The following ZBTB7C variants were observed in gnomAD, a reference collection of about 807,000 sequenced individuals.
ZBTB7C encodes the protein zinc finger and BTB domain-containing protein 7C.
A neutral mutation model predicts 25.7 loss-of-function variants in ZBTB7C; 8 were observed. The ratio of observed to expected loss-of-function variants is 0.31; its 90% CI spans 0.18 to 0.56. The LOEUF (loss-of-function observed/expected upper bound fraction) is 0.56. Ranked by LOEUF, ZBTB7C falls within the 20% of genes least tolerant of loss-of-function variation. ZBTB7C has a pLI of 0.91. For synonymous variants in ZBTB7C, 394 were observed against 369.0 expected (o/e 1.07, Z -0.78); for missense variants, 824 against 855.2 (o/e 0.96, Z 0.46).
intron 2 of ZBTB7C, among the ~76,000 whole-genome samples, chr18:48,293,843 C>A (rs1163676381): frequency 6.8e-6 from 1 of 147,362 alleles, no homozygotes; most frequent in African/African-American, 2.5e-5. Context: ...GTCTCAAATT[C>A]CTGGCCTCAA....
intron 2 of ZBTB7C, among the ~76,000 whole-genome samples, chr18:48,249,579 T>G (rs1198051258): frequency 3.3e-5 from 5 of 152,186 alleles, no homozygotes; most frequent in Non-Finnish European, 7.3e-5. Context: ...AATAATATAA[T>G]AGTTGGTTTG....
intron 1 of ZBTB7C, among the ~76,000 whole-genome samples, chr18:48,369,951 C>T (rs1308245975): frequency 6.6e-6 from 1 of 152,138 alleles, no homozygotes; most frequent in African/African-American, 2.4e-5. Flanking sequence ...GCATTATTCT[C>T]AGGTGGCCCC....
chr18:48,194,775 A>T (rs760578481), intron 2 of ZBTB7C, among the ~76,000 whole-genome samples: 2 of 150,380 alleles, frequency 1.3e-5, no homozygotes, highest in Non-Finnish European at 3.0e-5. Context: ...CCGCCAGCTG[A>T]CTCTGGGCTT....
At chr18:48,271,319 C>T (rs1226016701) in intron 2 of ZBTB7C, among the ~76,000 whole-genome samples, 1 of 151,950 alleles carries the variant, frequency 6.6e-6, no homozygotes, top group Non-Finnish European at 1.5e-5. Flanking sequence ...TCACTTATGA[C>T]AATAGAGGCA....
chr18:48,062,001 C>CA (rs2037144225), intron 3 of ZBTB7C, among the ~76,000 whole-genome samples: 1 of 152,194 alleles, frequency 6.6e-6, no homozygotes, highest in African/African-American at 2.4e-5. Flanking sequence ...CCTGGGCACA[C>CA]AGTGTACCTC....
At chr18:48,138,320 T>G (rs1188238647) in intron 3 of ZBTB7C, among the ~76,000 whole-genome samples, 1 of 152,148 alleles carries the variant, frequency 6.6e-6, no homozygotes, top group Non-Finnish European at 1.5e-5. Context: ...AGGTGCCCCT[T>G]GCCTGAAATT....
intron 3 of ZBTB7C, among the ~76,000 whole-genome samples, chr18:48,142,000 G>T (rs1311353239): frequency 6.6e-6 from 1 of 152,224 alleles, no homozygotes; most frequent in African/African-American, 2.4e-5. Context: ...TTAGCATTGA[G>T]AACAGACAGG....
chr18:48,119,510 A>G (rs2039556315), intron 3 of ZBTB7C, among the ~76,000 whole-genome samples: 1 of 152,252 alleles, frequency 6.6e-6, no homozygotes, highest in South Asian at 2.1e-4. Flanking sequence ...GTGCACTTGG[A>G]GGAATGGGGG....
At chr18:48,197,255 CAAT>C in intron 2 of ZBTB7C, among the ~76,000 whole-genome samples, 1 of 2,602 alleles carries the variant, frequency 3.8e-4, no homozygotes, top group Non-Finnish European at 3.4e-3. Context: ...ATCCTGCCTC[CAAT>C]CATCCTGCCT....
chr18:48,311,211 C>T (rs1364903081), intron 2 of ZBTB7C, among the ~76,000 whole-genome samples: 2 of 152,182 alleles, frequency 1.3e-5, no homozygotes, highest in Non-Finnish European at 2.9e-5. Flanking sequence ...GTTCTCTTGT[C>T]TTTCTCACCC....
At chr18:48,248,233 C>T (rs142287142) in intron 2 of ZBTB7C, among the ~76,000 whole-genome samples, 177 of 152,276 alleles carry the variant, frequency 1.2e-3, no homozygotes, top group Non-Finnish European at 2.1e-3. Flanking sequence ...CAGGTGCCTT[C>T]CACCATGATT....
chr18:48,110,334 C>A (rs1452825933), intron 3 of ZBTB7C, among the ~76,000 whole-genome samples: 1 of 143,812 alleles, frequency 7.0e-6, no homozygotes, highest in Non-Finnish European at 1.5e-5. Context: ...TACCCCCCCA[C>A]CTGGTTCAAA....
intron 3 of ZBTB7C, among the ~76,000 whole-genome samples, chr18:48,091,197 G>A (rs1247675415): frequency 6.8e-6 from 1 of 147,752 alleles, no homozygotes; most frequent in East Asian, 2.0e-4. Context: ...TCAGCCTCCC[G>A]AGTAGCTGGG....
intron 1 of ZBTB7C, among the ~76,000 whole-genome samples, chr18:48,358,344 T>A (rs979111536): frequency 6.9e-6 from 1 of 143,896 alleles, no homozygotes; most frequent in Non-Finnish European, 1.6e-5. Flanking sequence ...TGAACGAGAC[T>A]CCACTTCAAA....
chr18:48,194,349 T>C (rs1186389181), intron 2 of ZBTB7C, among the ~76,000 whole-genome samples: 1 of 152,154 alleles, frequency 6.6e-6, no homozygotes, highest in Admixed American at 6.5e-5. Context: ...GGAGCATCCA[T>C]GGTGAAATAT....
chr18:48,095,800 T>G (rs933702150), intron 3 of ZBTB7C, among the ~76,000 whole-genome samples: 1 of 152,212 alleles, frequency 6.6e-6, no homozygotes, highest in Admixed American at 6.5e-5. Flanking sequence ...AGGGTTCTCC[T>G]GTAACCCACG....
intron 2 of ZBTB7C, among the ~76,000 whole-genome samples, chr18:48,187,609 C>G (rs1308178126): frequency 3.3e-5 from 5 of 151,924 alleles, no homozygotes; most frequent in Non-Finnish European, 4.4e-5. Context: ...GTCAGGAGAT[C>G]GAGACCATCC....
At chr18:48,154,774 C>T (rs2040784761) in intron 3 of ZBTB7C, among the ~76,000 whole-genome samples, 1 of 152,206 alleles carries the variant, frequency 6.6e-6, no homozygotes, top group East Asian at 1.9e-4. Context: ...CCCACTGCCT[C>T]ATTTGAAGTC....
At chr18:48,217,254 C>A (rs1267278272) in intron 2 of ZBTB7C, among the ~76,000 whole-genome samples, 1 of 152,206 alleles carries the variant, frequency 6.6e-6, no homozygotes, top group Non-Finnish European at 1.5e-5. Context: ...AACACCATTT[C>A]TCCCCAGCGT....
Sources: allele counts gnomAD v4.1 joint callset (sites outside exome capture counted in the v4.1 genomes callset), GRCh38; gene constraint gnomAD v4.1.1; transcripts MANE v1.5; gene names NCBI Gene and HGNC (gene_info 2026-07-23, HGNC 2026-07-21).